The following SNX7 variants were observed in gnomAD, a reference collection of about 807,000 sequenced individuals.
SNX7 encodes the protein sorting nexin-7.
In SNX7, 35 loss-of-function variants were observed where a neutral mutation model predicts 48.4. The ratio of observed to expected loss-of-function variants is 0.72; its 90% CI spans 0.55 to 0.96. SNX7 has a LOEUF of 0.96. Ranked by LOEUF, SNX7 falls within the 40% of genes least tolerant of loss-of-function variation. The pLI, the probability that SNX7 is intolerant of heterozygous loss-of-function variation, is 0.00. For missense variants in SNX7, 553 were observed against 548.9 expected (o/e 1.01, Z -0.07); for synonymous variants, 190 against 190.2 (o/e 1.00, Z 0.01).
intron 7 of SNX7, among the ~76,000 whole-genome samples, chr1:98,708,762 A>G (rs1652146496): frequency 6.6e-6 from 1 of 152,188 alleles, no homozygotes; most frequent in African/African-American, 2.4e-5. Context: ...GGTAGGTACA[A>G]AAGCAAAACT....
In SNX7 at chr1:98,661,825, C is replaced by A; in HGVS notation, c.94C>A (p.Pro32Thr). The change falls in exon 1 of 9, where the codon CCG (proline) becomes ACG (threonine). Residue 32 changes from proline to threonine, a missense_variant. Physicochemically the swap from Pro to Thr is conservative, Grantham distance 38 (BLOSUM62 -1). Coordinates refer to ENST00000306121, the MANE Select transcript of SNX7 (RefSeq NM_015976.5). ...GAGCCCGGGGGGCGGCGCCCCCTTT[C>A]CGGGCAGCAGTGGCTCTTCCGCCCT... The part of the protein sequence containing the change: ...GESPGGGAPF[P>T]GSSGSSALLQ... The A allele has an allele frequency of 8.0e-7, 1 of 1,246,094 alleles. No homozygotes were observed. 77.2% of individuals were successfully genotyped at this position (1,246,094 alleles called of 1,614,324 possible). A position where few individuals can be genotyped will look rare whatever the true frequency, so the allele number is the denominator to read the frequency against.
At chr1:98,712,983 C>T (rs764109869) in intron 7 of SNX7, among the ~76,000 whole-genome samples, 4 of 150,958 alleles carry the variant, frequency 2.6e-5, no homozygotes, top group Admixed American at 6.6e-5. Flanking sequence ...GCCAGCTACC[C>T]GGGAGGCTAA....
At chr1:98,705,724 T>C (rs1651972690) in intron 7 of SNX7, among the ~76,000 whole-genome samples, 1 of 152,136 alleles carries the variant, frequency 6.6e-6, no homozygotes, top group Non-Finnish European at 1.5e-5. Context: ...GAAGAGGGGA[T>C]GTGACTTAAA....
chr1:98,719,811 C>G (rs1305302695), intron 7 of SNX7, among the ~76,000 whole-genome samples: 1 of 150,162 alleles, frequency 6.7e-6, no homozygotes, highest in Non-Finnish European at 1.5e-5. Context: ...ACAATAGAAT[C>G]TTTGAGCCAT....
intron 8 of SNX7, among the ~76,000 whole-genome samples, chr1:98,746,135 C>T (rs907459132): frequency 5.9e-5 from 9 of 151,962 alleles, no homozygotes; most frequent in African/African-American, 2.2e-4. Flanking sequence ...CTCAGTTTGA[C>T]ACATTATTAC....
intron 8 of SNX7, among the ~76,000 whole-genome samples, chr1:98,755,602 A>G (rs1570618332): frequency 6.6e-6 from 1 of 151,836 alleles, no homozygotes; most frequent in South Asian, 2.1e-4. Flanking sequence ...TTCTTTTGAC[A>G]TATGTTACAA....
chr1:98,713,107 A>C (rs9659936), intron 7 of SNX7, among the ~76,000 whole-genome samples: 43,199 of 150,722 alleles, frequency 0.29, 6,810 homozygotes, highest in Non-Finnish European at 0.34. Flanking sequence ...AAAAAAAAAA[A>C]AAAAACTTGT....
chr1:98,704,083 A>C (rs757196362), intron 7 of SNX7, among the ~76,000 whole-genome samples: 3 of 152,088 alleles, frequency 2.0e-5, no homozygotes, highest in African/African-American at 7.2e-5. Flanking sequence ...AAAAAAAAAA[A>C]ACACATTATT....
chr1:98,664,443 T>C (rs1232413594), intron 1 of SNX7, among the ~76,000 whole-genome samples: 1 of 152,018 alleles, frequency 6.6e-6, no homozygotes, highest in Non-Finnish European at 1.5e-5. Context: ...CAGGAGAATC[T>C]CTTGAACCCG....
At chr1:98,754,012 G>T (rs1654715815) in intron 8 of SNX7, among the ~76,000 whole-genome samples, 1 of 151,968 alleles carries the variant, frequency 6.6e-6, no homozygotes, top group South Asian at 2.1e-4. Flanking sequence ...ATCTGCATAT[G>T]ATGTTAATTG....
chr1:98,679,152 G>A (rs1316143960), intron 1 of SNX7, among the ~76,000 whole-genome samples: 1 of 152,170 alleles, frequency 6.6e-6, no homozygotes, highest in African/African-American at 2.4e-5. Context: ...CTCAATCATG[G>A]TGAAAGGCAA....
intron 1 of SNX7, among the ~76,000 whole-genome samples, chr1:98,673,643 A>G (rs941525431): frequency 2.0e-5 from 3 of 152,194 alleles, no homozygotes; most frequent in Non-Finnish European, 2.9e-5. Flanking sequence ...ACATTTGTTA[A>G]ATGAAATCAA....
intron 7 of SNX7, among the ~76,000 whole-genome samples, chr1:98,723,073 A>G (rs1042133894): frequency 2.6e-5 from 4 of 152,190 alleles, no homozygotes; most frequent in Admixed American, 6.5e-5. Flanking sequence ...TTACATCCCA[A>G]CAGAAAAGTA....
At chr1:98,717,565 C>G (rs1219984928) in intron 7 of SNX7, among the ~76,000 whole-genome samples, 3 of 152,108 alleles carry the variant, frequency 2.0e-5, no homozygotes, top group Non-Finnish European at 4.4e-5. Context: ...CAACATGCTT[C>G]AAATAATTAA....
intron 1 of SNX7, among the ~76,000 whole-genome samples, chr1:98,670,611 G>A (rs2100910250): frequency 6.6e-6 from 1 of 152,292 alleles, no homozygotes; most frequent in South Asian, 2.1e-4. Flanking sequence ...GTACAGGTTT[G>A]TAGCCTGGGA....
At chr1:98,722,638 GA>G (rs1314069689) in intron 7 of SNX7, among the ~76,000 whole-genome samples, 1 of 151,822 alleles carries the variant, frequency 6.6e-6, no homozygotes, top group Non-Finnish European at 1.5e-5. Flanking sequence ...TTGAATGGTT[GA>G]TTTTTTTTTC....
chr1:98,696,544 A>C (rs1053349550), intron 5 of SNX7, among the ~76,000 whole-genome samples: 9 of 152,106 alleles, frequency 5.9e-5, no homozygotes, highest in Admixed American at 5.2e-4. Context: ...GTGTAGGAAA[A>C]GGTGCTTTAT....
chr1:98,699,632 T>TTATA (rs1390799142), intron 6 of SNX7, among the ~76,000 whole-genome samples: 1 of 152,184 alleles, frequency 6.6e-6, no homozygotes, highest in African/African-American at 2.4e-5. Flanking sequence ...TTTCCGTTCT[T>TTATA]TATAATTGGA....
At chr1:98,688,040 T>C (rs566466850) in intron 2 of SNX7, among the ~76,000 whole-genome samples, 15 of 152,168 alleles carry the variant, frequency 9.9e-5, no homozygotes, top group Non-Finnish European at 2.1e-4. Context: ...CCAAACCATA[T>C]CATATACTAA....
Sources: gnomAD v4.1 joint callset for allele counts (sites outside exome capture counted in the v4.1 genomes callset) on GRCh38, gnomAD v4.1.1 for gene constraint, MANE v1.5 for transcripts, NCBI Gene and HGNC (gene_info 2026-07-23, HGNC 2026-07-21) for gene names.